Variants in SLC7A8 observed in about 807,000 individuals in gnomAD.
The protein encoded by SLC7A8 is solute carrier family 7 member 8.
A neutral mutation model predicts 51.2 loss-of-function variants in SLC7A8; 30 were observed. The ratio of observed to expected loss-of-function variants is 0.59; its 90% confidence interval spans 0.44 to 0.80. The LOEUF (loss-of-function observed/expected upper bound fraction) is 0.80, where lower values mean the gene tolerates loss of function less well. SLC7A8 is among the 30% of genes least tolerant of loss of function. SLC7A8 has a pLI of 0.00. For synonymous variants in SLC7A8, 257 were observed against 275.8 expected, an observed-to-expected ratio of 0.93 and a Z score of 0.67; for missense variants, 612 against 674.4, an observed-to-expected ratio of 0.91 and a Z score of 1.03.
In SLC7A8 at chr14:23,128,189, A is replaced by G; in HGVS notation, c.1271T>C (p.Leu424Pro). 6.2e-7 allele frequency: 1 copy of G among 1,614,108 alleles called. No individual in the cohort carries two copies. The highest frequency in any genetic ancestry group is 8.5e-7 in the Non-Finnish European group (1 of 1,179,992). ...PDIPRPIKIN[L>P]LFPIIYLLFW... ...CAGCAAGTAGATGATGGGGAACAGC[A>G]GGTTGATCTGTGGAGCAGAGGCATG... The change falls in exon 10 of 11, where the codon CTG becomes CCG. Residue 424 changes from leucine (L) to proline (P), a missense_variant. Physicochemically the swap from Leu to Pro is moderately conservative, Grantham distance 98. Coordinates refer to ENST00000316902, the MANE Select transcript of SLC7A8 (RefSeq NM_012244.4). The surrounding 1 kb of genome is among the most constrained non-coding windows in gnomAD (Gnocchi z 4.3).
At position 23,180,976 on chromosome 14, in the gene SLC7A8, G is replaced by A. The variant is rs374863129; in HGVS notation, c.151+1788C>T. The stretch of plus-strand genomic sequence containing the variant: ...CGGGAGGCGGAGCTTGCAGTGAGCC[G>A]AGATCGCGCCACTGCACTCCAGCCT... On this transcript the variant is annotated intron_variant, in intron 1 of 10. Coordinates refer to ENST00000316902, the MANE Select transcript of SLC7A8 (RefSeq NM_012244.4). Among the ~76,000 whole-genome samples the A allele has an allele frequency of 5.9e-5, 9 of 152,148 alleles. No homozygotes were observed. In the South Asian group the frequency reaches 1.9e-3, roughly 32 times the overall value.
chr14:23,149,953 T>C (rs57863449), intron 3 of SLC7A8, among the ~76,000 whole-genome samples: 19,599 of 152,188 alleles, frequency 0.13, 3,230 homozygotes, highest in African/African-American at 0.39. Flanking sequence ...CCTAGGTGTG[T>C]AGTAGACTAT....
chr14:23,146,675 T>C (rs1206395623), intron 3 of SLC7A8: 2 of 152,264 alleles, frequency 1.3e-5, no homozygotes, highest in African/African-American at 4.8e-5. Context: ...GAGGTGGGGA[T>C]AGGCAGGCTG....
chr14:23,166,120 C>T (rs1255784736), intron 2 of SLC7A8, among the ~76,000 whole-genome samples: 1 of 152,052 alleles, frequency 6.6e-6, no homozygotes, highest in East Asian at 1.9e-4. Flanking sequence ...GTCAAAACTA[C>T]AAACCTGGTC....
At chr14:23,131,390 T>A in intron 8 of SLC7A8, 71 bp downstream of exon 8, 1 of 1,305,798 alleles carries the variant, frequency 7.7e-7, no homozygotes, top group South Asian at 1.5e-5. Context: ...GTGAAAAGCA[T>A]GAACTCCCAG....
At chr14:23,138,180 C>G in intron 6 of SLC7A8, 156 bp from the exon 7 acceptor site, 1 of 846,142 alleles carries the variant, frequency 1.2e-6, no homozygotes, top group Non-Finnish European at 1.8e-6. Context: ...CAAGGGTGGA[C>G]CCCTACACAG....
chr14:23,131,415 A>G, intron 8 of SLC7A8, 46 bp downstream of exon 8: 1 of 1,470,608 alleles, frequency 6.8e-7, no homozygotes, highest in East Asian at 2.5e-5. Context: ...GACTAGGCAC[A>G]AAGAGAGGGA....
intron 3 of SLC7A8, chr14:23,156,483 C>T (rs1204754408): frequency 6.6e-6 from 1 of 152,132 alleles, no homozygotes; most frequent in Non-Finnish European, 1.5e-5. Context: ...ACCACTGGGC[C>T]TCACTCCCAT....
intron 3 of SLC7A8, among the ~76,000 whole-genome samples, chr14:23,158,634 G>A (rs1388068727): frequency 6.6e-6 from 1 of 152,224 alleles, no homozygotes; most frequent in Non-Finnish European, 1.5e-5. Context: ...GTAAGCCACC[G>A]CGCCCGGCCG....
chr14:23,147,852 C>T (rs975668679), intron 3 of SLC7A8, among the ~76,000 whole-genome samples: 2 of 152,192 alleles, frequency 1.3e-5, no homozygotes, highest in East Asian at 1.9e-4. Flanking sequence ...ATTCTAGCAA[C>T]CTGGAACACT....
intron 7 of SLC7A8, among the ~76,000 whole-genome samples, chr14:23,134,437 C>CAAAAAAAAAAAAAAAAA (rs57162273): frequency 6.2e-5 from 4 of 64,186 alleles, no homozygotes; most frequent in African/African-American, 1.4e-4. Context: ...ACCCTGTCTC[C>CAAAAAAAAAAAAAAAAA]AAAAAAAAAA....
At chr14:23,174,845 G>A (rs769874949) in intron 1 of SLC7A8, among the ~76,000 whole-genome samples, 4 of 152,162 alleles carry the variant, frequency 2.6e-5, no homozygotes, top group East Asian at 1.9e-4. Context: ...TATGCTCAGC[G>A]GGGAGTTAAA....
chr14:23,165,292 G>C lies in SLC7A8; in HGVS notation c.501C>G (p.Ile167Met). Residue 167 changes from isoleucine to methionine, a missense_variant, in exon 3 of 11, where the codon ATC becomes ATG. Ile to Met is a conservative substitution (Grantham distance 10, BLOSUM62 1). Coordinates refer to ENST00000316902, the MANE Select transcript of SLC7A8 (RefSeq NM_012244.4). This position sits in a 1 kb window ranked among gnomAD's most constrained non-coding sequence, Gnocchi z 4.2. ...PESGLRLLAA[I>M]CLLLLTWVNC... ...GACCCAGATGACACTTACATAAGCA[G>C]ATGGCAGCCAGGAGCCGAAGGCCAG... is the stretch of plus-strand genomic sequence containing the variant. 6.2e-7 allele frequency: 1 copy of C among 1,609,646 alleles called. No individual in the cohort carries two copies. Among genetic ancestry groups the C allele is most frequent in the Non-Finnish European group, 8.5e-7 (1 of 1,178,112 alleles).
At chr14:23,162,841 G>A (rs2048930936) in intron 3 of SLC7A8, among the ~76,000 whole-genome samples, 1 of 152,108 alleles carries the variant, frequency 6.6e-6, no homozygotes. Context: ...TTCAACCTGT[G>A]GCCTGGCTCC....
At chr14:23,158,650 GAACACATTCT>G (rs1201031593) in intron 3 of SLC7A8, among the ~76,000 whole-genome samples, 1 of 152,156 alleles carries the variant, frequency 6.6e-6, no homozygotes, top group Non-Finnish European at 1.5e-5. Context: ...GGCCGACATA[GAACACATTCT>G]AACTGCTTGT....
At chr14:23,169,187 A>C (rs893241618) in intron 1 of SLC7A8, among the ~76,000 whole-genome samples, 4 of 152,074 alleles carry the variant, frequency 2.6e-5, no homozygotes, top group Non-Finnish European at 5.9e-5. Context: ...TATCTCTAAC[A>C]AAAAAATTTT....
Position 23,131,453 on chromosome 14 carries a change from G to A in SLC7A8, c.1113+8C>T. On this transcript the variant is annotated splice_region_variant and intron_variant, in intron 8 of 10. Coordinates refer to ENST00000316902, the MANE Select transcript of SLC7A8 (RefSeq NM_012244.4). ...TGTGTGGAGAGTTACAGCAGGAAGG[G>A]CCCTTACTGTGAAGAGCAGGGCTGG... The A allele has an allele frequency of 6.3e-7, 1 of 1,579,582 alleles. No homozygotes were observed. The highest frequency in any genetic ancestry group is 1.4e-5 in the African/African-American group (1 of 73,678).
Position 23,165,480 on chromosome 14 carries a change from G to A in SLC7A8, c.357-44C>T, listed in dbSNP as rs368247533. On this transcript the variant is annotated intron_variant, in intron 2 of 10. Coordinates refer to ENST00000316902, the MANE Select transcript of SLC7A8 (RefSeq NM_012244.4). This position sits in a 1 kb window ranked among gnomAD's most constrained non-coding sequence, Gnocchi z 4.2. The stretch of plus-strand genomic sequence containing the variant: ...ATCCGCCGAAAGGCATGGCAGGGAC[G>A]CAGAGCCATCAGGGGAGAGCCCGGG... The A allele has an allele frequency of 7.7e-6, 12 of 1,553,360 alleles. No individual in the cohort carries two copies. The highest frequency in any genetic ancestry group is 1.4e-5 in the African/African-American group (1 of 71,288).
Position 23,137,928 on chromosome 14 carries a change from A to T in SLC7A8, c.1009T>A (p.Ser337Thr), listed in dbSNP as rs778911962. The T allele has an allele frequency of 5.0e-6, 8 of 1,613,440 alleles. No homozygotes were observed. The highest frequency in any genetic ancestry group is 6.8e-6 in the Non-Finnish European group (8 of 1,179,874). The change falls in exon 7 of 11, where the codon TCC becomes ACC. Residue 337 changes from serine (S) to threonine (T), a missense_variant. Ser to Thr is a moderately conservative substitution (Grantham distance 58). Transcript: ENST00000316902. ...FGGVNGSLFT[S>T]SRLFFAGARE... ...GGCCCAGGCAGCACTCACCGAGAGG[A>T]GGTGAAGAGAGACCCATTAACTCCT... is the stretch of plus-strand genomic sequence containing the variant.
Sources: gnomAD v4.1 joint callset for allele counts (sites outside exome capture counted in the v4.1 genomes callset) on GRCh38, gnomAD v4.1.1 for gene constraint, Gnocchi (gnomAD v3.1) non-coding constraint, MANE v1.5 for transcripts, NCBI Gene and HGNC (gene_info 2026-07-23, HGNC 2026-07-21) for gene names.